The following PTPRQ variants were observed in gnomAD, a reference collection of about 807,000 sequenced individuals.
The protein encoded by PTPRQ is protein tyrosine phosphatase receptor type Q.
A neutral mutation model predicts 246.0 loss-of-function variants in PTPRQ; 199 were observed. That is an observed-to-expected ratio of 0.81 (90% confidence interval 0.72 to 0.91). The LOEUF is 0.91. Ranked by LOEUF, PTPRQ falls within the 40% of genes least tolerant of loss-of-function variation. The probability of loss-of-function intolerance (pLI) is 0.00; values close to 1 mark genes in which losing one functional copy is unlikely to be tolerated. For missense variants in PTPRQ, 2,624 were observed against 2,528.4 expected (o/e 1.04, Z -0.81); for synonymous variants, 869 against 853.2 (o/e 1.02, Z -0.32).
At chr12:80,549,819 A>G (rs1275683518) in intron 25 of PTPRQ, 85 bp downstream of exon 25, 18 of 1,432,614 alleles carry the variant, frequency 1.3e-5, no homozygotes, top group Admixed American at 8.6e-5. Context: ...TTTATAGCAT[A>G]CTTATCTAAA....
At chr12:80,650,172 C>T (rs954181113) in intron 37 of PTPRQ, among the ~76,000 whole-genome samples, 2 of 151,366 alleles carry the variant, frequency 1.3e-5, no homozygotes, top group Non-Finnish European at 2.9e-5. Context: ...CTAGAACTGT[C>T]TAAAAATAAA....
At chr12:80,672,121 C>T (rs1303082432) in intron 42 of PTPRQ, among the ~76,000 whole-genome samples, 1 of 151,902 alleles carries the variant, frequency 6.6e-6, no homozygotes, top group Non-Finnish European at 1.5e-5. Context: ...TAACCTGATT[C>T]ATCTTTTTTT....
intron 26 of PTPRQ, among the ~76,000 whole-genome samples, chr12:80,590,632 C>G (rs1360643942): frequency 7.2e-6 from 1 of 138,050 alleles, no homozygotes; most frequent in African/African-American, 2.8e-5. Context: ...CGCACCACTG[C>G]ACTCCAGCCT....
chr12:80,654,863 A>T (rs1019663534), intron 38 of PTPRQ, among the ~76,000 whole-genome samples: 9 of 151,782 alleles, frequency 5.9e-5, no homozygotes, highest in South Asian at 2.1e-4. Flanking sequence ...CTATCTCAAA[A>T]AATAATAATA....
At chr12:80,567,229 C>T (rs1897005312) in intron 25 of PTPRQ, among the ~76,000 whole-genome samples, 1 of 152,164 alleles carries the variant, frequency 6.6e-6, no homozygotes, top group African/African-American at 2.4e-5. Flanking sequence ...TCTACATTTA[C>T]AAAATATTAT....
intron 38 of PTPRQ, among the ~76,000 whole-genome samples, chr12:80,657,358 A>G (rs566279868): frequency 2.0e-5 from 3 of 151,986 alleles, no homozygotes; most frequent in Admixed American, 1.3e-4. Context: ...TAATGAAAGT[A>G]AGAGAAAACA....
At chr12:80,649,868 T>G (rs891758564) in intron 37 of PTPRQ, among the ~76,000 whole-genome samples, 199 bp downstream of exon 37, 1 of 152,118 alleles carries the variant, frequency 6.6e-6, no homozygotes, top group Non-Finnish European at 1.5e-5. Context: ...ATTCACCTAC[T>G]GTGTCAGGAA....
At position 80,658,059 on chromosome 12, in the gene PTPRQ, T is replaced by G; in HGVS notation, c.6190T>G (p.Ser2064Ala). 7.3e-7 allele frequency: 1 copy of G among 1,371,520 alleles called. No homozygotes were observed. Among genetic ancestry groups the G allele is most frequent in the Non-Finnish European group, 9.6e-7 (1 of 1,044,758 alleles). 85.0% of individuals were successfully genotyped at this position (1,371,520 alleles called of 1,614,324 possible). Residue 2064 changes from serine to alanine, a missense_variant and splice_region_variant, in exon 39 of 45, where the codon TCT becomes GCT. Physicochemically the swap from Ser to Ala is moderately conservative, Grantham distance 99. Transcript: ENST00000644991. ...GGATTATATTAATGCCAGCTATATT[T>G]CTGTAAGTTACTATTTTATATATTT... is the stretch of plus-strand genomic sequence containing the variant. ...GSDYINASYI[S>A]GYLCPNEFIA...
intron 19 of PTPRQ, among the ~76,000 whole-genome samples, chr12:80,535,534 G>A (rs1895961335): frequency 1.3e-5 from 2 of 152,068 alleles, no homozygotes; most frequent in African/African-American, 4.8e-5. Context: ...AGTAGTTAAT[G>A]TTTAATGTCA....
At position 80,472,240 on chromosome 12, in the gene PTPRQ, C is replaced by CTCCACCAGATGGTAAGAACATAGGGA; in HGVS notation, c.1176_1186+15dup. The CTCCACCAGATGGTAAGAACATAGGGA allele has an allele frequency of 6.4e-7, 1 of 1,551,416 alleles. No homozygotes were observed. The highest frequency in any genetic ancestry group is 8.7e-7 in the Non-Finnish European group (1 of 1,146,896). Reference sequence around the variant, plus strand: ...CCCAAGTCAAATATTTCAGTATTCACTCCACCAGATGGTAAGAACATAGGG... The same window carrying CTCCACCAGATGGTAAGAACATAGGGA: ...CCCAAGTCAAATATTTCAGTATTCACTCCACCAGATGGTAAGAACATAGGGATCCACCAGATGGTAAGAACATAGGG... On this transcript the variant is annotated frameshift_variant, in exon 8 of 45. Transcript: ENST00000644991. LOFTEE classifies it high-confidence loss of function.
At chr12:80,501,056 A>C (rs570285366) in intron 14 of PTPRQ, among the ~76,000 whole-genome samples, 5 of 151,926 alleles carry the variant, frequency 3.3e-5, no homozygotes, top group Non-Finnish European at 7.4e-5. Flanking sequence ...GTTCCAGAGG[A>C]AGAACAGCAA....
chr12:80,461,950 T>C (rs1355529862), intron 6 of PTPRQ: 1 of 352 alleles, frequency 2.8e-3, no homozygotes, highest in African/African-American at 9.3e-3. Flanking sequence ...AGAAGACGGG[T>C]GATTTCCGCA....
intron 26 of PTPRQ, among the ~76,000 whole-genome samples, chr12:80,590,796 A>G (rs1592693518): frequency 6.6e-6 from 1 of 151,614 alleles, no homozygotes; most frequent in East Asian, 1.9e-4. Context: ...AACATTATTT[A>G]TAGCCATGTT....
intron 28 of PTPRQ, among the ~76,000 whole-genome samples, chr12:80,611,842 G>C (rs193031809): frequency 1.3e-5 from 2 of 150,406 alleles, no homozygotes; most frequent in Admixed American, 6.7e-5. Flanking sequence ...GCATAAAAAC[G>C]TGTAGTAACA....
At chr12:80,649,710 G>A (rs902921457) in intron 37 of PTPRQ, 41 bp downstream of exon 37, 1 of 1,517,454 alleles carries the variant, frequency 6.6e-7, no homozygotes. Context: ...AAGACCTCCA[G>A]TCGTTTCATG....
At chr12:80,642,486 T>C (rs1192648797) in intron 35 of PTPRQ, among the ~76,000 whole-genome samples, 1 of 152,248 alleles carries the variant, frequency 6.6e-6, no homozygotes, top group Admixed American at 6.5e-5. Context: ...TCAAATGTGC[T>C]AATGTGGAAA....
chr12:80,650,817 T>C (rs1200718023), intron 37 of PTPRQ, among the ~76,000 whole-genome samples: 1 of 142,564 alleles, frequency 7.0e-6, no homozygotes, highest in Non-Finnish European at 1.5e-5. Context: ...AAAGTTTTAT[T>C]AGCAATAACA....
intron 36 of PTPRQ, 111 bp from the exon 37 acceptor site, chr12:80,649,477 T>G (rs1424705660): frequency 7.4e-7 from 1 of 1,348,540 alleles, no homozygotes; most frequent in African/African-American, 1.5e-5. Context: ...TGTTTGTGAT[T>G]TTGGGGATGT....
At chr12:80,649,007 A>C (rs1900167605) in intron 36 of PTPRQ, 84 bp downstream of exon 36, 2 of 1,305,940 alleles carry the variant, frequency 1.5e-6, no homozygotes, top group Non-Finnish European at 2.0e-6. Flanking sequence ...TGTGTGATTC[A>C]CTTTTTGTAT....
Sources: allele counts gnomAD v4.1 joint callset (sites outside exome capture counted in the v4.1 genomes callset), GRCh38; gene constraint gnomAD v4.1.1; transcripts MANE v1.5; gene names NCBI Gene and HGNC (gene_info 2026-07-23, HGNC 2026-07-21).